The following CUX1 variants were observed in gnomAD, a reference collection of about 807,000 sequenced individuals.
The protein encoded by CUX1 is cut like homeobox 1.
CUX1 carries 31 observed loss-of-function variants against 158.8 expected under a neutral mutation model. The ratio of observed to expected loss-of-function variants is 0.20; its 90% CI spans 0.15 to 0.26. The LOEUF is 0.26. Among genes scored for constraint, CUX1 ranks in the 10% least tolerant of loss-of-function variants. The probability of loss-of-function intolerance (pLI) is 1.00; values close to 1 mark genes in which losing one functional copy is unlikely to be tolerated. For missense variants in CUX1, 1,589 were observed against 2,014.6 expected (o/e 0.79, Z 4.04); for synonymous variants, 879 against 862.1 (o/e 1.02, Z -0.34).
At chr7:102,175,772 A>G (rs1474025942) in intron 10 of CUX1, among the ~76,000 whole-genome samples, 1 of 152,184 alleles carries the variant, frequency 6.6e-6, no homozygotes, top group Non-Finnish European at 1.5e-5. Flanking sequence ...GGCATTATTC[A>G]GAGCGGTGCT....
At chr7:101,993,728 ACT>A (rs1292452846) in intron 2 of CUX1, among the ~76,000 whole-genome samples, 1 of 151,472 alleles carries the variant, frequency 6.6e-6, no homozygotes, top group Non-Finnish European at 1.5e-5. Context: ...CCTCTCCCTA[ACT>A]CTGACTTCTG....
Position 102,255,200 on chromosome 7 carries a change from C to T in CUX1, c.*6158C>T. 1.0e-6 allele frequency: 1 copy of T among 985,476 alleles called. No homozygotes were observed. Among genetic ancestry groups the T allele is most frequent in the Non-Finnish European group, 1.2e-6 (1 of 829,962 alleles). The allele number at this position is 985,476 out of a possible 1,614,324, so 61.0% of individuals were successfully genotyped here. On this transcript the variant is annotated 3_prime_UTR_variant, in exon 24 of 24. Coordinates refer to ENST00000292535, the MANE Select transcript of CUX1 (RefSeq NM_181552.4). ...GCCCGACTTCCAAAAACTGCCTCCT[C>T]CTGCCCAGGCCTCTCCCACCACCAC... is the stretch of plus-strand genomic sequence containing the variant.
At chr7:102,101,324 C>T (rs380478) in intron 5 of CUX1, among the ~76,000 whole-genome samples, 1 of 152,202 alleles carries the variant, frequency 6.6e-6, no homozygotes, top group African/African-American at 2.4e-5. Context: ...AGATTCCTCT[C>T]TGTTATGCTG....
At chr7:102,099,097 G>A (rs1829516783) in intron 5 of CUX1, among the ~76,000 whole-genome samples, 2 of 152,194 alleles carry the variant, frequency 1.3e-5, no homozygotes. Context: ...GGCATGGGCT[G>A]TGAGGGCGGC....
chr7:102,114,850 C>T (rs1390800247), intron 7 of CUX1, among the ~76,000 whole-genome samples: 1 of 151,630 alleles, frequency 6.6e-6, no homozygotes, highest in Non-Finnish European at 1.5e-5. Flanking sequence ...CATTATACTC[C>T]AGCCTGGGTG....
intron 8 of CUX1, among the ~76,000 whole-genome samples, chr7:102,136,150 T>C (rs1308600982): frequency 6.6e-6 from 1 of 152,156 alleles, no homozygotes; most frequent in African/African-American, 2.4e-5. Flanking sequence ...CCCCAACATA[T>C]AATATCTGAC....
At chr7:102,139,974 C>T (rs782328467) in intron 8 of CUX1, among the ~76,000 whole-genome samples, 2 of 152,168 alleles carry the variant, frequency 1.3e-5, no homozygotes, top group Non-Finnish European at 2.9e-5. Flanking sequence ...CAGCCCAAAA[C>T]AAATTCTATA....
chr7:102,259,757 AGAAAGAAAAG>A (rs1563510272), downstream of CUX1, among the ~76,000 whole-genome samples: 3 of 16,156 alleles, frequency 1.9e-4, no homozygotes, highest in Non-Finnish European at 5.7e-4. Context: ...AAAAAAAAAA[AGAAAGAAAAG>A]AGAAAGGAAG....
intron 21 of CUX1, among the ~76,000 whole-genome samples, chr7:102,233,463 C>A (rs1799206411): frequency 6.6e-6 from 1 of 152,138 alleles, no homozygotes. Flanking sequence ...AAGGGCCCTT[C>A]CGGCCACCGC....
chr7:102,283,199 A>G, exon 23 of CUX1: 1 of 906,500 alleles, frequency 1.1e-6, no homozygotes, highest in East Asian at 2.7e-5. Flanking sequence ...AACTGCCCTT[A>G]TCCGCTGTCC....
intron 1 of CUX1, among the ~76,000 whole-genome samples, chr7:101,844,895 C>T (rs762801116): frequency 8.5e-5 from 13 of 152,148 alleles, no homozygotes; most frequent in Non-Finnish European, 1.6e-4. Flanking sequence ...GGATTACAGG[C>T]GTGAGCCACT....
At chr7:102,275,216 A>AC in intron 16 of CUX1, 4 of 1,534,420 alleles carry the variant, frequency 2.6e-6, no homozygotes, top group Non-Finnish European at 1.8e-6. Context: ...ACCTCCTGCC[A>AC]CCCCCCAAGC....
intron 4 of CUX1, among the ~76,000 whole-genome samples, chr7:102,096,776 A>G (rs201454): frequency 0.61 from 92,106 of 152,106 alleles, 29,756 homozygotes; most frequent in African/African-American, 0.79. Flanking sequence ...CTCCATGCCA[A>G]CCAACTAGCT....
intron 9 of CUX1, 136 bp from the exon 10 acceptor site, chr7:102,170,310 C>T: frequency 3.2e-6 from 2 of 626,260 alleles, no homozygotes; most frequent in African/African-American, 1.9e-5. Context: ...TGTTTTTTTT[C>T]CTAGCATTTA....
chr7:101,984,089 A>AATAT (rs1195893037), intron 2 of CUX1, among the ~76,000 whole-genome samples: 33 of 29,686 alleles, frequency 1.1e-3, no homozygotes, highest in South Asian at 2.1e-3. Context: ...AAAAAAAAAA[A>AATAT]ATATATATAT....
intron 8 of CUX1, 152 bp downstream of exon 8, chr7:102,115,425 T>C (rs1831341460): frequency 3.4e-6 from 2 of 591,028 alleles, no homozygotes; most frequent in East Asian, 6.2e-5. Context: ...CAATGCACGT[T>C]CTAGCACTCA....
chr7:102,209,214 T>C (rs959275933), intron 20 of CUX1, among the ~76,000 whole-genome samples: 2 of 152,228 alleles, frequency 1.3e-5, no homozygotes, highest in African/African-American at 4.8e-5. Context: ...TTTTCCTTAA[T>C]GACTTAGACG....
At chr7:101,833,583 AAAAG>A (rs1186832421) in intron 1 of CUX1, among the ~76,000 whole-genome samples, 1 of 150,800 alleles carries the variant, frequency 6.6e-6, no homozygotes, top group Non-Finnish European at 1.5e-5. Context: ...AAAAAAAAAA[AAAAG>A]AATCCAAAAG....
At chr7:101,944,462 G>A (rs555563534) in intron 2 of CUX1, among the ~76,000 whole-genome samples, 19 of 152,324 alleles carry the variant, frequency 1.2e-4, no homozygotes, top group Non-Finnish European at 2.2e-4. Context: ...TGGCTCACGC[G>A]GGAGACGCAT....
Sources: gnomAD v4.1 joint callset for allele counts (sites outside exome capture counted in the v4.1 genomes callset) on GRCh38, gnomAD v4.1.1 for gene constraint, MANE v1.5 for transcripts, NCBI Gene and HGNC (gene_info 2026-07-23, HGNC 2026-07-21) for gene names.